Variants in IL1RAPL2 observed in about 807,000 individuals in gnomAD.
IL1RAPL2 encodes the protein interleukin 1 receptor accessory protein like 2.
Under a neutral mutation model 44.1 loss-of-function variants are expected in IL1RAPL2, and 3 were observed. The ratio of observed to expected loss-of-function variants is 0.07; its 90% CI spans 0.03 to 0.18. The LOEUF is 0.18. Ranked by LOEUF, IL1RAPL2 falls within the 10% of genes least tolerant of loss-of-function variation. The pLI, the probability that IL1RAPL2 is intolerant of heterozygous loss-of-function variation, is 1.00. For synonymous variants in IL1RAPL2, 181 were observed against 178.8 expected, an observed-to-expected ratio of 1.01 and a Z score of -0.10; for missense variants, 391 against 496.4, an observed-to-expected ratio of 0.79 and a Z score of 2.02.
chrX:105,628,197 T>A (rs141462865), intron 6 of IL1RAPL2, among the ~76,000 whole-genome samples: 2,000 of 111,504 alleles, frequency 0.018, 36 homozygotes, highest in African/African-American at 0.062. Flanking sequence ...TTTATTATAC[T>A]TTAAGTTTTA....
intron 1 of IL1RAPL2, 91 bp from the exon 2 acceptor site, chrX:104,658,804 G>A: frequency 5.3e-6 from 3 of 562,923 alleles, no homozygotes; most frequent in Non-Finnish European, 9.0e-6. Context: ...TTTCTCTAAT[G>A]GAGTTTTGAA....
intron 5 of IL1RAPL2, among the ~76,000 whole-genome samples, chrX:105,362,666 T>C (rs986344542): frequency 3.6e-5 from 4 of 111,030 alleles, no homozygotes; most frequent in Non-Finnish European, 7.6e-5. Context: ...CCAGAAAATG[T>C]ATTTAAAAAA....
intron 2 of IL1RAPL2, among the ~76,000 whole-genome samples, chrX:104,838,847 C>CTTTTTTTTTTTTT (rs3086025): frequency 8.3e-5 from 3 of 36,294 alleles, no homozygotes; most frequent in Admixed American, 3.4e-4. Context: ...TTCTTTCTTT[C>CTTTTTTTTTTTTT]TTTTTTTTTT....
chrX:105,135,217 C>G (rs1174792173), intron 2 of IL1RAPL2, among the ~76,000 whole-genome samples: 1 of 111,305 alleles, frequency 9.0e-6, no homozygotes, highest in East Asian at 2.8e-4. Flanking sequence ...TCATCCTCAT[C>G]CTTTTACTTC....
intron 5 of IL1RAPL2, among the ~76,000 whole-genome samples, chrX:105,417,353 A>T (rs751882570): frequency 8.9e-6 from 1 of 111,980 alleles, no homozygotes; most frequent in South Asian, 3.8e-4. Flanking sequence ...TGTGCCTGTA[A>T]TCCCAGCTAC....
chrX:105,190,920 T>A (rs2033627591), intron 2 of IL1RAPL2, among the ~76,000 whole-genome samples: 1 of 112,422 alleles, frequency 8.9e-6, no homozygotes, highest in Admixed American at 9.4e-5. Flanking sequence ...GAGGCTTATC[T>A]ATAAAGAGGC....
intron 2 of IL1RAPL2, among the ~76,000 whole-genome samples, chrX:105,008,930 T>A (rs1388462678): frequency 9.0e-6 from 1 of 111,339 alleles, no homozygotes; most frequent in Non-Finnish European, 1.9e-5. Context: ...CATCAAAAAG[T>A]GGGTGAAGGA....
chrX:105,006,053 G>A (rs2030936389), intron 2 of IL1RAPL2, among the ~76,000 whole-genome samples: 1 of 110,854 alleles, frequency 9.0e-6, no homozygotes, highest in African/African-American at 3.3e-5. Context: ...TTTACCTAAT[G>A]TAGGTTTTTG....
Position 104,914,985 on chromosome X carries a change from T to G in IL1RAPL2, c.82+255990T>G, listed in dbSNP as rs5962997. 2.7e-5 allele frequency among the ~76,000 whole-genome samples: 3 copies of G among 110,288 alleles called. No individual in the cohort carries two copies. The South Asian group carries it at 1.2e-3, about 42-fold the overall frequency. ...TATCATAGTTGGACATTTGGGTTGG[T>G]TCCAAGTCTTTGCTATTGTGAATAG... On this transcript the variant is annotated intron_variant, in intron 2 of 10. Coordinates refer to ENST00000372582, the MANE Select transcript of IL1RAPL2 (RefSeq NM_017416.2).
chrX:104,582,663 TTC>T (rs1360749833), intron 1 of IL1RAPL2, among the ~76,000 whole-genome samples: 17 of 88,742 alleles, frequency 1.9e-4, no homozygotes, highest in African/African-American at 5.2e-4. Context: ...TTTCTTTTTT[TTC>T]TTTTTTCTTT....
At chrX:105,327,434 A>G (rs969523243) in intron 5 of IL1RAPL2, among the ~76,000 whole-genome samples, 4 of 112,062 alleles carry the variant, frequency 3.6e-5, no homozygotes, top group Non-Finnish European at 7.5e-5. Flanking sequence ...CTGTAATACT[A>G]TGCAATATAG....
intron 1 of IL1RAPL2, among the ~76,000 whole-genome samples, chrX:104,639,813 G>C (rs1024343129): frequency 1.8e-5 from 2 of 111,489 alleles, no homozygotes; most frequent in Non-Finnish European, 3.8e-5. Context: ...TTTTCTTTCA[G>C]CACTTTGAAT....
chrX:104,998,540 G>A (rs1465055154), intron 2 of IL1RAPL2, among the ~76,000 whole-genome samples: 2 of 111,368 alleles, frequency 1.8e-5, no homozygotes, highest in Non-Finnish European at 3.8e-5. Flanking sequence ...TTGTGAGGCT[G>A]AGGTGGGAGG....
At chrX:105,640,053 A>ATATC (rs200685509) in intron 6 of IL1RAPL2, among the ~76,000 whole-genome samples, 101 of 110,982 alleles carry the variant, frequency 9.1e-4, no homozygotes, top group Middle Eastern at 4.6e-3. Flanking sequence ...ACCTATCTGC[A>ATATC]TATCTATCTA....
chrX:104,701,061 C>A (rs1397595810), intron 2 of IL1RAPL2, among the ~76,000 whole-genome samples: 1 of 110,988 alleles, frequency 9.0e-6, no homozygotes, highest in African/African-American at 3.3e-5. Context: ...AATAGAGGGA[C>A]TGAGTAAAAA....
intron 2 of IL1RAPL2, among the ~76,000 whole-genome samples, chrX:104,769,704 T>C (rs1244616604): frequency 8.9e-6 from 1 of 112,009 alleles, no homozygotes; most frequent in African/African-American, 3.2e-5. Flanking sequence ...TTGGTTGGAA[T>C]CACATTTATG....
At chrX:105,425,984 C>T (rs1317744976) in intron 5 of IL1RAPL2, among the ~76,000 whole-genome samples, 1 of 107,369 alleles carries the variant, frequency 9.3e-6, no homozygotes, top group Non-Finnish European at 1.9e-5. Context: ...AAACATGTAT[C>T]AAAATCTGTA....
intron 2 of IL1RAPL2, among the ~76,000 whole-genome samples, chrX:104,982,126 G>A (rs1174351030): frequency 9.0e-6 from 1 of 110,816 alleles, no homozygotes; most frequent in East Asian, 2.8e-4. Context: ...GCCTGCACAT[G>A]TACCCCATGA....
At chrX:104,762,556 G>A (rs1182452957) in intron 2 of IL1RAPL2, among the ~76,000 whole-genome samples, 1 of 112,317 alleles carries the variant, frequency 8.9e-6, no homozygotes, top group Non-Finnish European at 1.9e-5. Context: ...AGCTCCACTA[G>A]GCAGTACCCC....
Sources: gnomAD v4.1 joint callset for allele counts (sites outside exome capture counted in the v4.1 genomes callset) on GRCh38, gnomAD v4.1.1 for gene constraint, MANE v1.5 for transcripts, NCBI Gene and HGNC (gene_info 2026-07-23, HGNC 2026-07-21) for gene names.